CPSF6: variants seen among roughly 807,000 people sequenced by gnomAD.
CPSF6 encodes the protein cleavage and polyadenylation specific factor 6.
CPSF6 carries 10 observed loss-of-function variants against 56.7 expected under a neutral mutation model. The observed-to-expected ratio is 0.18, with a 90% CI of 0.11 to 0.30. CPSF6 has a LOEUF of 0.30. Among genes scored for constraint, CPSF6 ranks in the 10% least tolerant of loss-of-function variants. CPSF6 has a pLI of 1.00. For missense variants in CPSF6, 419 were observed against 722.9 expected, an observed-to-expected ratio of 0.58 and a Z score of 4.82; for synonymous variants, 248 against 244.8, an observed-to-expected ratio of 1.01 and a Z score of -0.12.
intron 1 of CPSF6, among the ~76,000 whole-genome samples, chr12:69,241,608 A>T (rs927078438): frequency 5.3e-5 from 8 of 152,140 alleles, no homozygotes; most frequent in Admixed American, 5.2e-4. Context: ...CCTTATCCGG[A>T]TAGCTGGGTG....
At chr12:69,264,894 A>G (rs1005437876) in intron 9 of CPSF6, among the ~76,000 whole-genome samples, 3 of 152,138 alleles carry the variant, frequency 2.0e-5, no homozygotes, top group Admixed American at 6.6e-5. Context: ...CTTTCATGTA[A>G]ATCTTAAATG....
chr12:69,251,191 A>G lies in CPSF6; in HGVS notation c.123A>G (p.Ala41=). 10 of 1,613,030 alleles carry G rather than the reference A, an allele frequency of 6.2e-6. No homozygotes were observed. Among genetic ancestry groups the G allele is most frequent in the Non-Finnish European group, 8.5e-6 (10 of 1,179,636 alleles). The change falls in exon 2 of 10, where the codon GCA becomes GCG. Residue 41 remains alanine (A), a synonymous_variant. Coordinates refer to ENST00000435070, the MANE Select transcript of CPSF6 (RefSeq NM_007007.3). ...DLYDDVISPS[A]NNGDAPEDRD... ...ATGACGATGTCATATCTCCATCTGCAAATAATGGAGATGCCCCAGAAGACC... is the reference window on the plus strand; with the variant it reads ...ATGACGATGTCATATCTCCATCTGCGAATAATGGAGATGCCCCAGAAGACC...
At chr12:69,257,100 T>C (rs1385110054) in intron 4 of CPSF6, among the ~76,000 whole-genome samples, 1 of 152,220 alleles carries the variant, frequency 6.6e-6, no homozygotes, top group Non-Finnish European at 1.5e-5. Context: ...CCTGCCATTC[T>C]TGTCCTATTA....
intron 3 of CPSF6, 106 bp from the exon 4 acceptor site, chr12:69,256,591 G>A: frequency 8.8e-7 from 1 of 1,135,492 alleles, no homozygotes; most frequent in Non-Finnish European, 1.2e-6. Context: ...ACTGTGCCCA[G>A]CTGTTGTTTT....
intron 8 of CPSF6, among the ~76,000 whole-genome samples, chr12:69,261,853 C>A (rs1297741787): frequency 6.6e-6 from 1 of 152,118 alleles, no homozygotes; most frequent in Non-Finnish European, 1.5e-5. Flanking sequence ...ATTGTTAGCC[C>A]TCTCCCATGC....
intron 9 of CPSF6, 116 bp downstream of exon 9, chr12:69,262,678 A>C: frequency 8.4e-7 from 1 of 1,195,056 alleles, no homozygotes; most frequent in East Asian, 2.8e-5. Context: ...CTACTTGTGA[A>C]TTTAATCTTC....
At chr12:69,261,919 G>A (rs1018832498) in intron 8 of CPSF6, among the ~76,000 whole-genome samples, 1 of 152,114 alleles carries the variant, frequency 6.6e-6, no homozygotes, top group African/African-American at 2.4e-5. Context: ...TGTGTTGGAT[G>A]CTGCTCATGA....
intron 9 of CPSF6, among the ~76,000 whole-genome samples, chr12:69,266,773 G>T (rs1045030212): frequency 6.6e-6 from 1 of 151,972 alleles, no homozygotes; most frequent in African/African-American, 2.4e-5. Flanking sequence ...ATTTTTCTTT[G>T]AATGTGATTA....
At position 69,263,132 on chromosome 12, in the gene CPSF6, G is replaced by C. The variant is rs554257941; in HGVS notation, c.*3+570G>C. 2.0e-5 allele frequency among the ~76,000 whole-genome samples: 3 copies of C among 151,682 alleles called. No individual in the cohort carries two copies. In the South Asian group the frequency reaches 6.2e-4, roughly 32 times the overall value. On this transcript the variant is annotated intron_variant, in intron 9 of 9. Transcript: ENST00000435070. ...TAGAAGAGACACTATCCTGACATCT[G>C]CTTTTTGTTTTTAAAAGAAACAGTA...
chr12:69,262,605 A>C (rs1872794272), intron 9 of CPSF6, 43 bp downstream of exon 9: 1 of 1,558,084 alleles, frequency 6.4e-7, no homozygotes, highest in Non-Finnish European at 8.7e-7. Context: ...TGTATTCTTA[A>C]CAGTAACTAT....
At chr12:69,239,972 C>G (rs900191462) in intron 1 of CPSF6, among the ~76,000 whole-genome samples, 1 of 150,856 alleles carries the variant, frequency 6.6e-6, no homozygotes, top group South Asian at 2.1e-4. Context: ...CCTCCCTCGC[C>G]GGCGCTGCCT....
intron 1 of CPSF6, among the ~76,000 whole-genome samples, chr12:69,241,792 T>C (rs867610027): frequency 1.2e-4 from 18 of 152,332 alleles, no homozygotes; most frequent in African/African-American, 3.4e-4. Context: ...AATCTTTATA[T>C]GTTTGAATAG....
At chr12:69,257,702 T>A (rs774384509) in intron 4 of CPSF6, 30 bp from the exon 5 acceptor site, 3 of 1,579,230 alleles carry the variant, frequency 1.9e-6, no homozygotes, top group East Asian at 4.5e-5. Context: ...TTTTAATAAG[T>A]GCTATTTATG....
chr12:69,239,739 C>A (rs764179705), intron 1 of CPSF6, 33 bp downstream of exon 1: 4 of 1,556,598 alleles, frequency 2.6e-6, no homozygotes, highest in Admixed American at 3.7e-5. Flanking sequence ...GCCGCCGACG[C>A]GGGCGGCGCT....
chr12:69,255,817 G>A (rs1226784311), intron 3 of CPSF6, among the ~76,000 whole-genome samples: 4 of 152,238 alleles, frequency 2.6e-5, no homozygotes, highest in Middle Eastern at 3.4e-3. Flanking sequence ...GATTATAGGC[G>A]TGAGCCACTG....
intron 8 of CPSF6, among the ~76,000 whole-genome samples, chr12:69,261,659 A>G (rs1468926329): frequency 2.6e-5 from 4 of 152,218 alleles, no homozygotes; most frequent in African/African-American, 9.7e-5. Flanking sequence ...CAGAAATACA[A>G]GACATAAATA....
At position 69,252,668 on chromosome 12, in the gene CPSF6, T is replaced by C. The variant is rs909402011; in HGVS notation, c.271-383T>C. Among the ~76,000 whole-genome samples the C allele has an allele frequency of 5.3e-5, 8 of 152,358 alleles. No individual in the cohort carries two copies. The East Asian group carries it at 1.5e-3, about 29-fold the overall frequency. On this transcript the variant is annotated intron_variant, in intron 2 of 9. Coordinates refer to ENST00000435070, the MANE Select transcript of CPSF6 (RefSeq NM_007007.3). ...TTAAATACATGTTAGTTTTTTCTTA[T>C]CTGCATTTTAATTCAAAAACAAGAT...
chr12:69,239,765 AC>A, intron 1 of CPSF6, 59 bp downstream of exon 1: 1 of 1,481,080 alleles, frequency 6.8e-7, no homozygotes, highest in Non-Finnish European at 9.0e-7. Flanking sequence ...CGGGAAGCTG[AC>A]CCGGGGCCCG....
intron 3 of CPSF6, among the ~76,000 whole-genome samples, chr12:69,255,690 C>T (rs1872474443): frequency 6.6e-6 from 1 of 152,184 alleles, no homozygotes; most frequent in Admixed American, 6.5e-5. Flanking sequence ...AGGCACACGC[C>T]ACCATGCCTG....
Sources: allele counts gnomAD v4.1 joint callset (sites outside exome capture counted in the v4.1 genomes callset), GRCh38; gene constraint gnomAD v4.1.1; transcripts MANE v1.5; gene names NCBI Gene and HGNC (gene_info 2026-07-23, HGNC 2026-07-21).